The following FLVCR2 variants were observed in gnomAD, a reference collection of about 807,000 sequenced individuals.
The protein encoded by FLVCR2 is FLVCR choline and putative heme transporter 2.
A neutral mutation model predicts 48.9 loss-of-function variants in FLVCR2; 38 were observed. The ratio of observed to expected loss-of-function variants is 0.78; its 90% CI spans 0.60 to 1.02. FLVCR2 has a LOEUF of 1.02. Among genes scored for constraint, FLVCR2 ranks in the 50% least tolerant of loss-of-function variants. The pLI is 0.00. For synonymous variants in FLVCR2, 255 were observed against 257.0 expected (o/e 0.99, Z 0.07); for missense variants, 664 against 663.3 (o/e 1.00, Z -0.01).
At chr14:75,581,263 G>A (rs1399893752) in intron 1 of FLVCR2, among the ~76,000 whole-genome samples, 1 of 152,218 alleles carries the variant, frequency 6.6e-6, no homozygotes, top group Non-Finnish European at 1.5e-5. Flanking sequence ...AAAGGACTAA[G>A]AATTGGGAGG....
intron 1 of FLVCR2, among the ~76,000 whole-genome samples, chr14:75,583,182 G>A (rs551253430): frequency 5.3e-5 from 8 of 152,252 alleles, no homozygotes; most frequent in African/African-American, 1.9e-4. Context: ...TTATGGAGGG[G>A]TTGTGGAGGG....
At chr14:75,583,829 C>G (rs1333472237) in intron 1 of FLVCR2, among the ~76,000 whole-genome samples, 3 of 152,132 alleles carry the variant, frequency 2.0e-5, no homozygotes, top group East Asian at 1.9e-4. Flanking sequence ...GAATTGGTAG[C>G]CTCCATATTG....
intron 3 of FLVCR2, chr14:75,632,570 A>G (rs909291508): frequency 7.1e-6 from 5 of 700,344 alleles, no homozygotes; most frequent in Non-Finnish European, 1.3e-5. Flanking sequence ...ATCATCTGAA[A>G]GACAGTAGCT....
rs560405639 is a variant in FLVCR2 at position 75,618,885 on chromosome 14, G to GTT, written c.670-3179_670-3178dup. On this transcript the variant is annotated intron_variant, in intron 1 of 9. Coordinates refer to ENST00000238667, the MANE Select transcript of FLVCR2 (RefSeq NM_017791.3). ...CCTGGGCAGGGTGCTGAGCAGCAGG[G>GTT]TTTTTTTTTTTTTTTTGCCCTCTCT... Among the ~76,000 whole-genome samples, 708 of 134,612 alleles carry GTT rather than the reference G, an allele frequency of 5.3e-3. 4 individuals are homozygous for GTT. The highest frequency in any genetic ancestry group is 8.6e-3 in the African/African-American group (315 of 36,642). The allele number at this position is 134,612 out of a possible 152,430, so 88.3% of individuals were successfully genotyped here.
chr14:75,621,112 G>A (rs1889752617), intron 1 of FLVCR2, among the ~76,000 whole-genome samples: 1 of 152,186 alleles, frequency 6.6e-6, no homozygotes, highest in Non-Finnish European at 1.5e-5. Flanking sequence ...CCCAAGTCAT[G>A]TTATCTGTCG....
chr14:75,595,569 G>T (rs1888997707), intron 1 of FLVCR2, among the ~76,000 whole-genome samples: 1 of 152,160 alleles, frequency 6.6e-6, no homozygotes, highest in Non-Finnish European at 1.5e-5. Flanking sequence ...TTGTCATTTT[G>T]GATCTTGTAA....
rs936253475 is a variant in FLVCR2 at position 75,648,066 on chromosome 14, TAAC to T, written c.*1597_*1599del. ...TACTCATAAACCCTTCAAAAGGTAT[TAAC>T]AAAATGTTTACCAAACCTATTGCTT... is the stretch of plus-strand genomic sequence containing the variant. On this transcript the variant is annotated 3_prime_UTR_variant, in exon 10 of 10. Transcript: ENST00000238667. 5.9e-5 allele frequency: 9 copies of T among 152,700 alleles called. No homozygotes were observed. The highest frequency in any genetic ancestry group is 5.2e-4 in the Admixed American group (8 of 15,284). 9.5% of individuals were successfully genotyped at this position (152,700 alleles called of 1,614,324 possible). A position where few individuals can be genotyped will look rare whatever the true frequency, so the allele number is the denominator to read the frequency against.
chr14:75,590,622 T>G (rs908233248), intron 1 of FLVCR2, among the ~76,000 whole-genome samples: 19 of 152,202 alleles, frequency 1.2e-4, no homozygotes, highest in Admixed American at 1.2e-3. Context: ...GTCTCCCTGA[T>G]GCTATTCTCA....
intron 1 of FLVCR2, 106 bp downstream of exon 1, chr14:75,579,747 C>A: frequency 7.9e-7 from 1 of 1,263,328 alleles, no homozygotes; most frequent in Non-Finnish European, 1.1e-6. Flanking sequence ...GTGTTTGTGA[C>A]TCTGGGTGAC....
At chr14:75,610,640 G>C (rs762697432) in intron 1 of FLVCR2, among the ~76,000 whole-genome samples, 2 of 152,200 alleles carry the variant, frequency 1.3e-5, no homozygotes, top group Non-Finnish European at 2.9e-5. Context: ...TTATAAACCG[G>C]GTGAGAGTGA....
At chr14:75,616,695 C>A (rs1889627312) in intron 1 of FLVCR2, among the ~76,000 whole-genome samples, 1 of 152,206 alleles carries the variant, frequency 6.6e-6, no homozygotes, top group South Asian at 2.1e-4. Context: ...GGTGGGCTTG[C>A]CTTTGTCTGA....
chr14:75,617,840 C>T lies in FLVCR2; in HGVS notation c.670-4239C>T, dbSNP rs144519736. On this transcript the variant is annotated intron_variant, in intron 1 of 9. Transcript: ENST00000238667. ...AAAATTACCTATGCAGGAACCCAACCTCATGTAAGGGATTAGAGCAACCTT... is the reference window on the plus strand; with the variant it reads ...AAAATTACCTATGCAGGAACCCAACTTCATGTAAGGGATTAGAGCAACCTT... Among the ~76,000 whole-genome samples the T allele has an allele frequency of 6.4e-4, 97 of 152,254 alleles. No homozygotes were observed. In the East Asian group the frequency reaches 0.017, roughly 27 times the overall value.
intron 1 of FLVCR2, among the ~76,000 whole-genome samples, chr14:75,619,877 C>T (rs1889719885): frequency 6.6e-6 from 1 of 152,194 alleles, no homozygotes; most frequent in Middle Eastern, 3.2e-3. Flanking sequence ...CCAGCTGCCC[C>T]AGAGGAGGAG....
intron 1 of FLVCR2, among the ~76,000 whole-genome samples, chr14:75,619,750 T>C (rs1451656305): frequency 6.6e-6 from 1 of 152,212 alleles, no homozygotes; most frequent in Admixed American, 6.5e-5. Flanking sequence ...CTGGGGTTAC[T>C]GTAGGCCACT....
chr14:75,614,080 A>G (rs1889541101), intron 1 of FLVCR2, among the ~76,000 whole-genome samples: 1 of 152,244 alleles, frequency 6.6e-6, no homozygotes, highest in South Asian at 2.1e-4. Flanking sequence ...TTTGGCAAGG[A>G]CAGCATCATA....
In FLVCR2 at chr14:75,579,150, C is replaced by A; in HGVS notation, c.178C>A (p.Gln60Lys). 6.2e-7 allele frequency: 1 copy of A among 1,614,052 alleles called. No homozygotes were observed. The highest frequency in any genetic ancestry group is 8.5e-7 in the Non-Finnish European group (1 of 1,180,036). ...SSSAHPSALA[Q>K]PSGLAHPSSS... is the part of the protein sequence containing the mutation. ...TTCGGCCCACCCCAGTGCCTTAGCC[C>A]AACCCAGTGGCTTGGCTCACCCCAG... The change falls in exon 1 of 10, where the codon CAA (glutamine) becomes AAA (lysine). Residue 60 changes from glutamine (Q) to lysine (K), a missense_variant. Coordinates refer to ENST00000238667, the MANE Select transcript of FLVCR2 (RefSeq NM_017791.3).
intron 3 of FLVCR2, among the ~76,000 whole-genome samples, chr14:75,629,247 C>A (rs1428982179): frequency 1.3e-5 from 2 of 152,002 alleles, no homozygotes; most frequent in Non-Finnish European, 2.9e-5. Context: ...ATAAATATGT[C>A]TTATGCAATA....
intron 1 of FLVCR2, among the ~76,000 whole-genome samples, chr14:75,583,161 A>G (rs994702787): frequency 6.6e-6 from 1 of 152,208 alleles, no homozygotes; most frequent in Admixed American, 6.5e-5. Context: ...GATCCAGAAC[A>G]GAATAATCGG....
chr14:75,647,235 G>A lies in FLVCR2; in HGVS notation c.*763G>A, dbSNP rs1890441885. The A allele has an allele frequency of 6.6e-6, 1 of 152,326 alleles. No individual in the cohort carries two copies. The highest frequency in any genetic ancestry group is 1.5e-5 in the Non-Finnish European group (1 of 68,150). 9.4% of individuals were successfully genotyped at this position (152,326 alleles called of 1,614,324 possible). The stretch of plus-strand genomic sequence containing the variant: ...ATATTTGGGAACTCTGGTAGCTTGA[G>A]TTGGGAATGGGAAGGTTCTTTTTTA... On this transcript the variant is annotated 3_prime_UTR_variant, in exon 10 of 10. Transcript: ENST00000238667.
Sources: gnomAD v4.1 joint callset for allele counts (sites outside exome capture counted in the v4.1 genomes callset) on GRCh38, gnomAD v4.1.1 for gene constraint, MANE v1.5 for transcripts, NCBI Gene and HGNC (gene_info 2026-07-23, HGNC 2026-07-21) for gene names.